Variants in NBEAL1 observed in about 807,000 individuals in gnomAD.
NBEAL1 encodes neurobeachin-like protein 1.
In NBEAL1, 273 loss-of-function variants were observed where a neutral mutation model predicts 351.3. The ratio of observed to expected loss-of-function variants is 0.78; its 90% CI spans 0.70 to 0.86. The LOEUF (loss-of-function observed/expected upper bound fraction) is 0.86, where lower values mean the gene tolerates loss of function less well. Among genes scored for constraint, NBEAL1 ranks in the 40% least tolerant of loss-of-function variants. The pLI is 0.00. For synonymous variants in NBEAL1, 1,050 were observed against 1,086.4 expected (o/e 0.97, Z 0.66); for missense variants, 2,961 against 3,201.3 (o/e 0.92, Z 1.81).
chr2:203,119,631 G>T (rs1341426263), intron 18 of NBEAL1, among the ~76,000 whole-genome samples: 1 of 151,856 alleles, frequency 6.6e-6, no homozygotes, highest in Non-Finnish European at 1.5e-5. Context: ...TCACCATGAT[G>T]GTCAGGCTAG....
intron 24 of NBEAL1, among the ~76,000 whole-genome samples, chr2:203,128,622 A>G (rs1200960761): frequency 8.6e-5 from 12 of 140,194 alleles, no homozygotes; most frequent in African/African-American, 3.2e-4. Flanking sequence ...TTTTTGAGAC[A>G]GAGTCTTGTT....
At chr2:203,084,808 T>G in intron 10 of NBEAL1, 2 of 314,536 alleles carry the variant, frequency 6.4e-6, no homozygotes, top group South Asian at 1.5e-4. Context: ...GTTCATGACA[T>G]ATATTATTTT....
intron 41 of NBEAL1, among the ~76,000 whole-genome samples, chr2:203,173,468 C>T (rs1307522937): frequency 2.6e-5 from 4 of 151,938 alleles, no homozygotes. Context: ...GTTTTGAATT[C>T]TAATAATAAG....
chr2:203,154,144 G>A (rs1454356152), intron 35 of NBEAL1, among the ~76,000 whole-genome samples: 2 of 151,542 alleles, frequency 1.3e-5, no homozygotes, highest in African/African-American at 2.4e-5. Flanking sequence ...GCTGAGGCAG[G>A]AGAATGGCAT....
intron 24 of NBEAL1, among the ~76,000 whole-genome samples, chr2:203,128,812 G>C (rs2063007080): frequency 6.6e-6 from 1 of 151,654 alleles, no homozygotes; most frequent in Non-Finnish European, 1.5e-5. Flanking sequence ...TGGCCAGGAT[G>C]GTCTCCATCT....
intron 33 of NBEAL1, among the ~76,000 whole-genome samples, chr2:203,145,952 T>A (rs555259889): frequency 1.4e-4 from 21 of 151,282 alleles, no homozygotes; most frequent in African/African-American, 4.9e-4. Context: ...AAGGTCGAAT[T>A]CTTCAAAATA....
chr2:203,150,430 A>G (rs1257212659), intron 34 of NBEAL1, among the ~76,000 whole-genome samples: 1 of 151,860 alleles, frequency 6.6e-6, no homozygotes. Flanking sequence ...GTAAGAATGT[A>G]TATATAAATA....
rs184071250 is a variant in NBEAL1 at position 203,099,034 on chromosome 2, G to A, written c.1186-595G>A. On this transcript the variant is annotated intron_variant, in intron 11 of 55. Coordinates refer to ENST00000683969, the MANE Select transcript of NBEAL1 (RefSeq NM_001378026.1). ...TCACACCTGTAATCCCAGCACTTTG[G>A]GAGGCCGAGGTGGGTGGATCCACTT... is the stretch of plus-strand genomic sequence containing the variant. 3.5e-3 allele frequency among the ~76,000 whole-genome samples: 540 copies of A among 152,238 alleles called. 2 individuals carry two copies. Among genetic ancestry groups the A allele is most frequent in the Non-Finnish European group, 5.5e-3 (373 of 67,994 alleles).
At chr2:203,120,375 A>G (rs1017624247) in intron 18 of NBEAL1, among the ~76,000 whole-genome samples, 5 of 152,178 alleles carry the variant, frequency 3.3e-5, no homozygotes, top group African/African-American at 7.2e-5. Context: ...CTAATATACA[A>G]TATTTCTTTG....
intron 8 of NBEAL1, among the ~76,000 whole-genome samples, 198 bp from the exon 9 acceptor site, chr2:203,083,021 G>T (rs1340469325): frequency 6.6e-6 from 1 of 152,184 alleles, no homozygotes; most frequent in Non-Finnish European, 1.5e-5. Context: ...AAGAGAGAGT[G>T]TAAAGTGAGT....
intron 15 of NBEAL1, among the ~76,000 whole-genome samples, chr2:203,110,766 T>TC (rs1491269956): frequency 1.6e-5 from 1 of 61,000 alleles, no homozygotes; most frequent in Non-Finnish European, 3.6e-5. Context: ...TTTTCTTTTT[T>TC]CTTTTTTTTT....
intron 6 of NBEAL1, among the ~76,000 whole-genome samples, chr2:203,058,023 T>C (rs1243127905): frequency 6.6e-6 from 1 of 151,910 alleles, no homozygotes; most frequent in African/African-American, 2.4e-5. Context: ...TTTATATTTT[T>C]AGTAGAGACG....
intron 23 of NBEAL1, 72 bp downstream of exon 23, chr2:203,126,998 T>C: frequency 1.9e-6 from 2 of 1,044,306 alleles, no homozygotes; most frequent in Non-Finnish European, 2.8e-6. Context: ...ATGTGTAGAC[T>C]GTAGACTTTC....
intron 36 of NBEAL1, among the ~76,000 whole-genome samples, chr2:203,162,405 C>T (rs992756636): frequency 6.6e-6 from 1 of 152,030 alleles, no homozygotes; most frequent in Non-Finnish European, 1.5e-5. Context: ...TATTTGTTTA[C>T]ATTATAAACT....
At chr2:203,172,625 A>G (rs2064357467) in intron 40 of NBEAL1, 104 bp from the exon 41 acceptor site, 2 of 971,388 alleles carry the variant, frequency 2.1e-6, no homozygotes, top group Non-Finnish European at 2.9e-6. Context: ...AAATATTTTT[A>G]GAGACTATCC....
chr2:203,194,050 G>T, intron 47 of NBEAL1, 139 bp downstream of exon 47: 1 of 445,124 alleles, frequency 2.2e-6, no homozygotes, highest in Non-Finnish European at 3.8e-6. Context: ...ATCTGTTGTT[G>T]GATTTTTAAA....
At chr2:203,138,529 T>G in intron 30 of NBEAL1, 91 bp from the exon 31 acceptor site, 1 of 1,309,116 alleles carries the variant, frequency 7.6e-7, no homozygotes, top group Non-Finnish European at 1.0e-6. Context: ...TTTGAAATAT[T>G]TGTGGTTTGT....
intron 36 of NBEAL1, among the ~76,000 whole-genome samples, chr2:203,159,259 A>T (rs2063882689): frequency 6.6e-6 from 1 of 152,116 alleles, no homozygotes; most frequent in African/African-American, 2.4e-5. Flanking sequence ...CATACAATAC[A>T]GTGGGGTTTT....
chr2:203,208,552 TAGA>T, intron 51 of NBEAL1, 82 bp from the exon 52 acceptor site: 1 of 864,528 alleles, frequency 1.2e-6, no homozygotes. Flanking sequence ...AGTTTGTGAT[TAGA>T]AGGTTTAAAT....
Sources: allele counts gnomAD v4.1 joint callset (sites outside exome capture counted in the v4.1 genomes callset), GRCh38; gene constraint gnomAD v4.1.1; transcripts MANE v1.5; gene names NCBI Gene and HGNC (gene_info 2026-07-23, HGNC 2026-07-21).